EPB41L4A: variants seen among roughly 807,000 people sequenced by gnomAD.
EPB41L4A encodes the protein band 4.1-like protein 4A.
A neutral mutation model predicts 108.6 loss-of-function variants in EPB41L4A; 100 were observed. The ratio of observed to expected loss-of-function variants is 0.92; its 90% confidence interval spans 0.78 to 1.09. The LOEUF (loss-of-function observed/expected upper bound fraction) is 1.09, where lower values mean the gene tolerates loss of function less well. Among genes scored for constraint, EPB41L4A ranks in the 50% least tolerant of loss-of-function variants. The pLI, the probability that EPB41L4A is intolerant of heterozygous loss-of-function variation, is 0.00. For synonymous variants in EPB41L4A, 319 were observed against 289.0 expected, an observed-to-expected ratio of 1.10 and a Z score of -1.05; for missense variants, 1,030 against 842.7, an observed-to-expected ratio of 1.22 and a Z score of -2.75.
chr5:112,314,970 G>T (rs976257251), intron 1 of EPB41L4A, among the ~76,000 whole-genome samples: 2 of 152,054 alleles, frequency 1.3e-5, no homozygotes, highest in African/African-American at 4.8e-5. Flanking sequence ...TTTTGTCTTC[G>T]ATAATAATGG....
In EPB41L4A at chr5:112,194,622, C is replaced by T. The variant is rs773724351; in HGVS notation, c.1448G>A (p.Ser483Asn). ...RRRSRSRCNT[S>N]SGSESENSNR... ...AGAATTTTCTGATTCACTACCACTG[C>T]TGGTGTTACAGCGTGAACGTGACCT... Residue 483 changes from serine (S) to asparagine (N), a missense_variant, in exon 17 of 23, where the codon AGC (serine) becomes AAC (asparagine). Physicochemically the swap from Ser to Asn is conservative, Grantham distance 46. Transcript: ENST00000261486. 72 of 1,606,372 alleles carry T rather than the reference C, an allele frequency of 4.5e-5. No homozygotes were observed. Among genetic ancestry groups the T allele is most frequent in the Admixed American group, 1.9e-4 (11 of 58,864 alleles).
intron 1 of EPB41L4A, among the ~76,000 whole-genome samples, chr5:112,375,752 A>T (rs73214232): frequency 0.04 from 6,109 of 152,148 alleles, 433 homozygotes; most frequent in African/African-American, 0.14. Flanking sequence ...GAGCTCATGG[A>T]CCCTAATTAC....
At chr5:112,334,532 A>C (rs1312104959) in intron 1 of EPB41L4A, among the ~76,000 whole-genome samples, 2 of 152,176 alleles carry the variant, frequency 1.3e-5, no homozygotes, top group Non-Finnish European at 2.9e-5. Flanking sequence ...ACTCCTTTCT[A>C]TTGATTCCAG....
chr5:112,309,486 T>C (rs1443833265), intron 1 of EPB41L4A, among the ~76,000 whole-genome samples: 28 of 152,140 alleles, frequency 1.8e-4, no homozygotes, highest in Admixed American at 1.8e-3. Context: ...CTAAGATATT[T>C]ACAAAGTGAA....
At chr5:112,330,799 T>C (rs904991542) in intron 1 of EPB41L4A, among the ~76,000 whole-genome samples, 1 of 152,088 alleles carries the variant, frequency 6.6e-6, no homozygotes, top group African/African-American at 2.4e-5. Flanking sequence ...TGTATCAATA[T>C]ATGTTAATAT....
intron 1 of EPB41L4A, among the ~76,000 whole-genome samples, chr5:112,310,781 T>C (rs1020061398): frequency 5.3e-5 from 8 of 152,090 alleles, no homozygotes; most frequent in African/African-American, 1.2e-4. Context: ...ACAATCCCCC[T>C]ATTTGAGTCT....
At chr5:112,278,440 C>T (rs946657783) in intron 3 of EPB41L4A, among the ~76,000 whole-genome samples, 3 of 151,688 alleles carry the variant, frequency 2.0e-5, no homozygotes, top group Non-Finnish European at 2.9e-5. Flanking sequence ...TTAGCAGAGA[C>T]GAGGCTTCAC....
Position 112,265,008 on chromosome 5 carries a change from C to G in EPB41L4A, c.442G>C (p.Gly148Arg), listed in dbSNP as rs1388058884. 4 of 1,573,358 alleles carry G rather than the reference C, an allele frequency of 2.5e-6. No individual in the cohort carries two copies. The South Asian group carries it at 4.9e-5, about 19-fold the overall frequency. Reference sequence around the variant, plus strand: ...GTATGTTTATATGGGTCATAATCTCCAAGCTCCGCTAAAAAAGAAAGATAA... The same window carrying G: ...GTATGTTTATATGGGTCATAATCTCGAAGCTCCGCTAAAAAAGAAAGATAA... ...LGAYAIQSEL[G>R]DYDPYKHTAG... The change falls in exon 6 of 23, where the codon GGA (glycine) becomes CGA (arginine). Residue 148 changes from glycine to arginine, a missense_variant. By Grantham distance (125) the Gly-to-Arg change is moderately radical. Coordinates refer to ENST00000261486, the MANE Select transcript of EPB41L4A (RefSeq NM_022140.5).
intron 18 of EPB41L4A, chr5:112,175,219 C>T (rs1760801523): frequency 6.6e-6 from 1 of 152,254 alleles, no homozygotes; most frequent in African/African-American, 2.4e-5. Context: ...AGGTTTGACC[C>T]TACCAAAACC....
intron 1 of EPB41L4A, among the ~76,000 whole-genome samples, chr5:112,416,292 T>G (rs570790675): frequency 2.0e-4 from 31 of 152,150 alleles, no homozygotes; most frequent in Non-Finnish European, 3.7e-4. Context: ...CCACCTTAAC[T>G]TGCTATAATT....
intron 1 of EPB41L4A, among the ~76,000 whole-genome samples, chr5:112,345,484 T>A (rs527549632): frequency 6.6e-6 from 1 of 152,194 alleles, no homozygotes; most frequent in East Asian, 1.9e-4. Flanking sequence ...AAAAGATACA[T>A]TAGACTAGAA....
chr5:112,261,276 G>T (rs1206555642), intron 7 of EPB41L4A, among the ~76,000 whole-genome samples: 1 of 152,044 alleles, frequency 6.6e-6, no homozygotes, highest in African/African-American at 2.4e-5. Context: ...AATAATATGA[G>T]ATTGTTTCTT....
chr5:112,377,977 A>G (rs902468652), intron 1 of EPB41L4A, among the ~76,000 whole-genome samples: 8 of 152,218 alleles, frequency 5.3e-5, no homozygotes, highest in African/African-American at 1.9e-4. Context: ...GACTTAATTC[A>G]TATTTGGACA....
intron 2 of EPB41L4A, among the ~76,000 whole-genome samples, chr5:112,283,694 A>G (rs1753102885): frequency 6.6e-6 from 1 of 152,218 alleles, no homozygotes; most frequent in Non-Finnish European, 1.5e-5. Context: ...CATGTTCTTT[A>G]CATGACATGT....
At chr5:112,158,464 G>A, downstream of EPB41L4A, 1 of 415,954 alleles carries the variant, frequency 2.4e-6, no homozygotes, top group Non-Finnish European at 4.8e-6. Flanking sequence ...AATATCAGAG[G>A]TAGATATAAA....
intron 18 of EPB41L4A, chr5:112,173,779 G>C (rs1215529053): frequency 6.6e-6 from 1 of 152,130 alleles, no homozygotes; most frequent in Non-Finnish European, 1.5e-5. Flanking sequence ...GAGTAGCTGG[G>C]ATTGCAGGCA....
At chr5:112,201,316 C>A (rs1014646314) in intron 15 of EPB41L4A, among the ~76,000 whole-genome samples, 1 of 152,190 alleles carries the variant, frequency 6.6e-6, no homozygotes, top group East Asian at 1.9e-4. Context: ...CCCTGGAATA[C>A]GCCAATGAAA....
At chr5:112,337,271 C>T (rs953313737) in intron 1 of EPB41L4A, among the ~76,000 whole-genome samples, 6 of 152,114 alleles carry the variant, frequency 3.9e-5, no homozygotes, top group South Asian at 2.1e-4. Flanking sequence ...AGCCCAAACC[C>T]ATCTGTTATA....
intron 2 of EPB41L4A, among the ~76,000 whole-genome samples, chr5:112,303,212 G>A (rs369342360): frequency 2.8e-4 from 43 of 152,180 alleles, no homozygotes; most frequent in Non-Finnish European, 3.5e-4. Flanking sequence ...AACTTTACAC[G>A]TTACAAAATA....
Sources: allele counts gnomAD v4.1 joint callset (sites outside exome capture counted in the v4.1 genomes callset), GRCh38; gene constraint gnomAD v4.1.1; transcripts MANE v1.5; gene names NCBI Gene and HGNC (gene_info 2026-07-23, HGNC 2026-07-21).